Variants in MTAP observed in about 807,000 individuals in gnomAD.
MTAP encodes S-methyl-5'-thioadenosine phosphorylase.
MTAP carries 33 observed loss-of-function variants against 33.6 expected under a neutral mutation model. That is an observed-to-expected ratio of 0.98 (90% CI 0.74 to 1.31). MTAP has a LOEUF of 1.31. MTAP is among the 40% of genes most tolerant of loss of function. The pLI is 0.00. For synonymous variants in MTAP, 148 were observed against 125.7 expected (o/e 1.18, Z -1.19); for missense variants, 367 against 360.0 (o/e 1.02, Z -0.16).
chr9:21,809,905 C>A (rs1426588969), intron 1 of MTAP, among the ~76,000 whole-genome samples: 1 of 152,160 alleles, frequency 6.6e-6, no homozygotes, highest in East Asian at 1.9e-4. Context: ...TAGGGAGAGT[C>A]CTCCTCTAAA....
intron 1 of MTAP, among the ~76,000 whole-genome samples, chr9:21,891,503 G>C (rs1482081324): frequency 6.6e-6 from 1 of 152,034 alleles, no homozygotes; most frequent in African/African-American, 2.4e-5. Context: ...AATACCATCA[G>C]GATTAACAGC....
chr9:21,880,002 T>A (rs1817979949), intron 1 of MTAP, among the ~76,000 whole-genome samples: 1 of 152,120 alleles, frequency 6.6e-6, no homozygotes, highest in Admixed American at 6.6e-5. Flanking sequence ...AATCTAAGGA[T>A]TATGTGTCTT....
intron 5 of MTAP, among the ~76,000 whole-genome samples, chr9:21,845,592 G>T (rs1200046658): frequency 2.0e-5 from 3 of 152,030 alleles, no homozygotes; most frequent in African/African-American, 7.2e-5. Context: ...TCTTACAAAA[G>T]CAATCTGCCA....
At chr9:21,923,333 C>G (rs1310957611) in intron 1 of MTAP, among the ~76,000 whole-genome samples, 2 of 152,158 alleles carry the variant, frequency 1.3e-5, no homozygotes, top group Non-Finnish European at 2.9e-5. Flanking sequence ...CATAGGACAT[C>G]ACTCTGTGGT....
At chr9:21,869,458 T>C (rs1180723678), downstream of MTAP, among the ~76,000 whole-genome samples, 2 of 152,190 alleles carry the variant, frequency 1.3e-5, no homozygotes, top group Non-Finnish European at 2.9e-5. Flanking sequence ...TGATGGTTGC[T>C]GCTTCTTAGT....
chr9:21,849,371 G>A (rs1794677481), intron 5 of MTAP, among the ~76,000 whole-genome samples: 1 of 152,174 alleles, frequency 6.6e-6, no homozygotes, highest in Non-Finnish European at 1.5e-5. Context: ...ACTGTCATGT[G>A]GTCCTCCAGT....
At chr9:21,804,911 T>A (rs907877838) in intron 1 of MTAP, among the ~76,000 whole-genome samples, 7 of 152,218 alleles carry the variant, frequency 4.6e-5, no homozygotes, top group Non-Finnish European at 8.8e-5. Flanking sequence ...TGAAGTGTGG[T>A]CTCTGCCCTG....
At chr9:21,895,146 T>C (rs1818268519) in intron 1 of MTAP, among the ~76,000 whole-genome samples, 1 of 152,176 alleles carries the variant, frequency 6.6e-6, no homozygotes, top group African/African-American at 2.4e-5. Flanking sequence ...AAACTGCCAA[T>C]GACGTTTTTC....
chr9:21,814,745 T>G (rs1824435320), intron 1 of MTAP, among the ~76,000 whole-genome samples: 1 of 152,232 alleles, frequency 6.6e-6, no homozygotes, highest in Non-Finnish European at 1.5e-5. Flanking sequence ...TATATTTGCA[T>G]AAATGTATTT....
intron 1 of MTAP, among the ~76,000 whole-genome samples, chr9:21,925,397 G>A (rs553088263): frequency 5.9e-5 from 9 of 152,312 alleles, no homozygotes; most frequent in Middle Eastern, 3.4e-3. Flanking sequence ...CCTTATGCCT[G>A]ACATCTTCAA....
At chr9:21,916,660 T>C (rs571844285) in intron 1 of MTAP, among the ~76,000 whole-genome samples, 1 of 152,040 alleles carries the variant, frequency 6.6e-6, no homozygotes, top group East Asian at 1.9e-4. Context: ...AAAATCCATG[T>C]GAAGGTGGAC....
At chr9:21,911,901 A>T (rs990944107) in intron 1 of MTAP, among the ~76,000 whole-genome samples, 1 of 152,256 alleles carries the variant, frequency 6.6e-6, no homozygotes, top group Non-Finnish European at 1.5e-5. Flanking sequence ...GATAAGGAAG[A>T]AAAGAGAGAA....
intron 1 of MTAP, among the ~76,000 whole-genome samples, chr9:21,919,736 A>T (rs1293110221): frequency 6.6e-6 from 1 of 152,320 alleles, no homozygotes; most frequent in South Asian, 2.1e-4. Context: ...TTAGAGGTCA[A>T]GGTGGAGTAA....
At chr9:21,838,869 T>G (rs1237215317) in intron 5 of MTAP, among the ~76,000 whole-genome samples, 1 of 152,256 alleles carries the variant, frequency 6.6e-6, no homozygotes, top group Non-Finnish European at 1.5e-5. Context: ...AAATCTCCCT[T>G]ATGAGTTAAC....
At chr9:21,807,918 A>T (rs1824248125) in intron 1 of MTAP, among the ~76,000 whole-genome samples, 1 of 152,352 alleles carries the variant, frequency 6.6e-6, no homozygotes, top group South Asian at 2.1e-4. Context: ...GCAGTTAAGG[A>T]AAATGTTTGT....
chr9:21,941,012 T>C (rs755139978), downstream of MTAP: 37 of 984,736 alleles, frequency 3.8e-5, no homozygotes, highest in Non-Finnish European at 4.5e-5. Flanking sequence ...ACCAAACATA[T>C]ATTTGCATGA....
intron 6 of MTAP, chr9:21,856,192 C>T: frequency 1.0e-6 from 1 of 985,186 alleles, no homozygotes; most frequent in Non-Finnish European, 1.2e-6. Flanking sequence ...GTAAGGAAAA[C>T]ATTTAGGGGT....
At chr9:21,826,115 T>A (rs920017460) in intron 4 of MTAP, among the ~76,000 whole-genome samples, 3 of 152,126 alleles carry the variant, frequency 2.0e-5, no homozygotes, top group Non-Finnish European at 4.4e-5. Flanking sequence ...TGGGAATTTT[T>A]AAACATATAC....
chr9:21,913,884 G>C (rs1234380853), intron 1 of MTAP, among the ~76,000 whole-genome samples: 2 of 152,198 alleles, frequency 1.3e-5, no homozygotes, highest in African/African-American at 4.8e-5. Context: ...CTACTCATCT[G>C]ACAAAGGGCT....
Sources: gnomAD v4.1 joint callset for allele counts (sites outside exome capture counted in the v4.1 genomes callset) on GRCh38, gnomAD v4.1.1 for gene constraint, MANE v1.5 for transcripts, NCBI Gene and HGNC (gene_info 2026-07-23, HGNC 2026-07-21) for gene names.